The following SNTG1 variants were observed in gnomAD, a reference collection of about 807,000 sequenced individuals.
The protein encoded by SNTG1 is syntrophin gamma 1.
SNTG1 carries 39 observed loss-of-function variants against 74.7 expected under a neutral mutation model. The observed-to-expected ratio is 0.52, with a 90% confidence interval of 0.40 to 0.68. The LOEUF is 0.68. Among genes scored for constraint, SNTG1 ranks in the 30% least tolerant of loss-of-function variants. The pLI is 0.00. For missense variants in SNTG1, 685 were observed against 609.5 expected, an observed-to-expected ratio of 1.12 and a Z score of -1.30; for synonymous variants, 254 against 217.1, an observed-to-expected ratio of 1.17 and a Z score of -1.49.
In SNTG1 at chr8:50,449,709, C is replaced by A; in HGVS notation, c.261C>A (p.Ile87=). Residue 87 remains isoleucine, a synonymous_variant, in exon 6 of 19, where the codon ATC becomes ATA. Transcript: ENST00000642720. The part of the protein sequence containing the change: ...EHNIPVVVSK[I]SKEQRAELSG... ...ACATTCCAGTTGTCGTTTCAAAAAT[C>A]TCCAAGGAACAAAGAGGTAATATGT... The A allele has an allele frequency of 1.3e-6, 2 of 1,598,410 alleles. No homozygotes were observed. Among genetic ancestry groups the A allele is most frequent in the Non-Finnish European group, 1.7e-6 (2 of 1,170,980 alleles).
At position 50,573,850 on chromosome 8, in the gene SNTG1, A is replaced by G. The variant is rs542565119; in HGVS notation, c.811-17029A>G. ...TATAAGTATACTTCTTATATATAAT[A>G]GTCTTATTTCTTTAATAACTGTTTT... On this transcript the variant is annotated intron_variant, in intron 12 of 18. Coordinates refer to ENST00000642720, the MANE Select transcript of SNTG1 (RefSeq NM_018967.5). Among the ~76,000 whole-genome samples, 12 of 152,026 alleles carry G rather than the reference A, an allele frequency of 7.9e-5. 1 individual carries two copies. The East Asian group carries it at 2.1e-3, about 27-fold the overall frequency.
intron 12 of SNTG1, among the ~76,000 whole-genome samples, chr8:50,561,828 T>C (rs1004163202): frequency 1.3e-5 from 2 of 152,198 alleles, no homozygotes; most frequent in Non-Finnish European, 2.9e-5. Flanking sequence ...ACATTTCCCA[T>C]TGAACTATTC....
chr8:50,763,333 T>C (rs948285548), intron 18 of SNTG1, among the ~76,000 whole-genome samples: 1 of 151,880 alleles, frequency 6.6e-6, no homozygotes, highest in African/African-American at 2.4e-5. Context: ...AAAGGGGGTG[T>C]TTAGTTTCTA....
At chr8:50,137,870 A>G (rs941863562) in intron 1 of SNTG1, among the ~76,000 whole-genome samples, 1 of 152,108 alleles carries the variant, frequency 6.6e-6, no homozygotes, top group East Asian at 1.9e-4. Flanking sequence ...TGAGTGACCA[A>G]TGGTGACTCC....
chr8:49,937,126 GGGACAGAGCTAGACTCCGTCT>G, intron 1 of SNTG1, among the ~76,000 whole-genome samples: 1 of 152,270 alleles, frequency 6.6e-6, no homozygotes, highest in African/African-American at 2.4e-5. Context: ...TCCAGCCTGG[GGGACAGAGCTAGACTCCGTCT>G]CAAAACAAAC....
chr8:50,426,919 A>G (rs976724766), intron 4 of SNTG1, among the ~76,000 whole-genome samples: 3 of 152,172 alleles, frequency 2.0e-5, no homozygotes, highest in African/African-American at 7.2e-5. Context: ...TTTAATAACT[A>G]TTTATATAGA....
chr8:49,996,164 A>G (rs1051961884), intron 1 of SNTG1, among the ~76,000 whole-genome samples: 8 of 152,022 alleles, frequency 5.3e-5, no homozygotes, highest in African/African-American at 1.9e-4. Flanking sequence ...CCATTTTCTC[A>G]GATTTATATA....
chr8:50,762,185 T>G (rs2095600843), intron 18 of SNTG1, among the ~76,000 whole-genome samples: 1 of 151,978 alleles, frequency 6.6e-6, no homozygotes, highest in Admixed American at 6.6e-5. Context: ...CAATCTCCAG[T>G]AAGTTTTAAG....
At chr8:50,035,323 G>T (rs1282109653) in intron 1 of SNTG1, among the ~76,000 whole-genome samples, 2 of 151,850 alleles carry the variant, frequency 1.3e-5, no homozygotes, top group Non-Finnish European at 2.9e-5. Context: ...CACCTCTGTG[G>T]GGGCTCCCTC....
intron 4 of SNTG1, among the ~76,000 whole-genome samples, chr8:50,422,842 T>A (rs1405092157): frequency 6.6e-6 from 1 of 152,224 alleles, no homozygotes; most frequent in African/African-American, 2.4e-5. Context: ...GCTCCTCTAC[T>A]CTTCCCTAGT....
chr8:50,131,608 A>G (rs901245337), intron 1 of SNTG1, among the ~76,000 whole-genome samples: 1 of 152,134 alleles, frequency 6.6e-6, no homozygotes, highest in Non-Finnish European at 1.5e-5. Context: ...GGTTGTTTTC[A>G]TATCTTGGCT....
At chr8:50,137,846 A>T (rs2081525441) in intron 1 of SNTG1, among the ~76,000 whole-genome samples, 1 of 152,118 alleles carries the variant, frequency 6.6e-6, no homozygotes, top group Non-Finnish European at 1.5e-5. Context: ...GAGATGCAGC[A>T]GCTGGGGCCA....
intron 15 of SNTG1, among the ~76,000 whole-genome samples, chr8:50,695,166 G>C (rs1554614627): frequency 6.6e-6 from 1 of 151,108 alleles, no homozygotes; most frequent in Non-Finnish European, 1.5e-5. Flanking sequence ...CAGGTGATAT[G>C]ATCTTATATG....
chr8:49,996,371 G>C (rs1563447628), intron 1 of SNTG1, among the ~76,000 whole-genome samples: 1 of 151,406 alleles, frequency 6.6e-6, no homozygotes, highest in African/African-American at 2.4e-5. Flanking sequence ...ACAGTAAGAA[G>C]CTTTTTTTTT....
At chr8:50,097,105 G>T (rs983466967) in intron 1 of SNTG1, among the ~76,000 whole-genome samples, 1 of 152,016 alleles carries the variant, frequency 6.6e-6, no homozygotes, top group African/African-American at 2.4e-5. Flanking sequence ...AAGTAGCTGG[G>T]ACTACAGGTG....
intron 1 of SNTG1, among the ~76,000 whole-genome samples, chr8:50,048,751 C>T (rs1192509945): frequency 1.3e-5 from 2 of 151,980 alleles, no homozygotes; most frequent in African/African-American, 4.8e-5. Flanking sequence ...TGTGTTTGAC[C>T]TTATCATTAA....
chr8:49,944,732 A>T (rs1226331938), intron 1 of SNTG1, among the ~76,000 whole-genome samples: 2 of 152,024 alleles, frequency 1.3e-5, no homozygotes, highest in Non-Finnish European at 2.9e-5. Flanking sequence ...ATAATAATAA[A>T]AAAAATCCAT....
intron 1 of SNTG1, among the ~76,000 whole-genome samples, chr8:49,986,726 A>AAAG (rs2130239803): frequency 1.3e-5 from 2 of 151,420 alleles, no homozygotes; most frequent in East Asian, 3.9e-4. Context: ...TACAAAAAAA[A>AAAG]AAAAAATAGC....
At chr8:50,399,956 C>A (rs749242299) in intron 3 of SNTG1, among the ~76,000 whole-genome samples, 1 of 151,930 alleles carries the variant, frequency 6.6e-6, no homozygotes, top group African/African-American at 2.4e-5. Flanking sequence ...TCTGTTTTTC[C>A]TAAAAAAGAC....
Sources: allele counts gnomAD v4.1 joint callset (sites outside exome capture counted in the v4.1 genomes callset), GRCh38; gene constraint gnomAD v4.1.1; transcripts MANE v1.5; gene names NCBI Gene and HGNC (gene_info 2026-07-23, HGNC 2026-07-21).